G3BP2: variants seen among roughly 807,000 people sequenced by gnomAD.
G3BP2 encodes ras GTPase-activating protein-binding protein 2.
Under a neutral mutation model 56.7 loss-of-function variants are expected in G3BP2, and 11 were observed. That is an observed-to-expected ratio of 0.19 (90% CI 0.12 to 0.32). The LOEUF (loss-of-function observed/expected upper bound fraction) is 0.32, where lower values mean the gene tolerates loss of function less well. G3BP2 is among the 10% of genes least tolerant of loss of function. G3BP2 has a pLI of 1.00. For synonymous variants in G3BP2, 165 were observed against 191.6 expected, an observed-to-expected ratio of 0.86 and a Z score of 1.15; for missense variants, 340 against 610.9, an observed-to-expected ratio of 0.56 and a Z score of 4.67.
chr4:75,674,718 ATTTTTTTT>A (rs71203842), upstream of G3BP2, among the ~76,000 whole-genome samples: 88 of 71,408 alleles, frequency 1.2e-3, 1 homozygote, highest in Middle Eastern at 8.1e-3. Context: ...ATATATATAT[ATTTTTTTT>A]TTTTTTTTTT....
chr4:75,674,695 CATATAT>C (rs1316726374), upstream of G3BP2, among the ~76,000 whole-genome samples: 92 of 60,696 alleles, frequency 1.5e-3, 2 homozygotes, highest in African/African-American at 4.2e-3. Context: ...TATGTATGTA[CATATAT>C]ATATATATAT....
At chr4:75,698,077 A>G (rs574637166) in intron 3 of G3BP2, among the ~76,000 whole-genome samples, 2 of 152,358 alleles carry the variant, frequency 1.3e-5, no homozygotes, top group Non-Finnish European at 2.9e-5. Context: ...GTTCTAATCC[A>G]CAGACCTGTG....
chr4:75,671,294 G>T (rs1560404247), intron 1 of G3BP2, among the ~76,000 whole-genome samples: 1 of 152,164 alleles, frequency 6.6e-6, no homozygotes, highest in Non-Finnish European at 1.5e-5. Flanking sequence ...AAAATATGTG[G>T]AAAGTCTTTT....
At position 75,705,748 on chromosome 4, in the gene G3BP2, C is replaced by T. The variant is rs568069650; in HGVS notation, c.-25+15129G>A. ...AGCTAGGCGGGGGCCTTAAAAAGAACGGGTAGGAGGTTAACACACTTACTG... is the reference window on the plus strand; with the variant it reads ...AGCTAGGCGGGGGCCTTAAAAAGAATGGGTAGGAGGTTAACACACTTACTG... On this transcript the variant is annotated intron_variant, in intron 3 of 3. Coordinates refer to the G3BP2 transcript ENST00000499709. Among the ~76,000 whole-genome samples, 5 of 152,146 alleles carry T rather than the reference C, an allele frequency of 3.3e-5. No individual in the cohort carries two copies. In the South Asian group the frequency reaches 6.2e-4, roughly 19 times the overall value.
chr4:75,673,462 G>A, upstream of G3BP2: 1 of 1,232,158 alleles, frequency 8.1e-7, no homozygotes, highest in African/African-American at 1.5e-5. Flanking sequence ...CCTGCCGAAA[G>A]GGCCAGGGAA....
chr4:75,664,059 T>C (rs537754431), intron 1 of G3BP2, among the ~76,000 whole-genome samples: 77 of 151,098 alleles, frequency 5.1e-4, no homozygotes, highest in African/African-American at 1.9e-3. Flanking sequence ...AATTTTTGTA[T>C]TATTAGTAGA....
intron 3 of G3BP2, among the ~76,000 whole-genome samples, chr4:75,702,136 TC>T (rs1055184069): frequency 6.7e-6 from 1 of 150,082 alleles, no homozygotes; most frequent in South Asian, 2.1e-4. Context: ...TAAGTGCCGT[TC>T]CCCCCTACCT....
At chr4:75,680,985 TA>T (rs60301812) in intron 3 of G3BP2, among the ~76,000 whole-genome samples, 29 of 142,240 alleles carry the variant, frequency 2.0e-4, no homozygotes, top group South Asian at 2.2e-4. Context: ...AATAAAAAAT[TA>T]AAAAAAAAAA....
At chr4:75,697,826 C>T (rs1042423375) in intron 3 of G3BP2, among the ~76,000 whole-genome samples, 1 of 152,090 alleles carries the variant, frequency 6.6e-6, no homozygotes, top group South Asian at 2.1e-4. Flanking sequence ...CCCAGCTACT[C>T]AGGAGGCTGA....
chr4:75,723,380 G>A (rs1223118911), intron 1 of G3BP2, among the ~76,000 whole-genome samples: 2 of 152,210 alleles, frequency 1.3e-5, no homozygotes, highest in African/African-American at 4.8e-5. Flanking sequence ...GGACTGGAAG[G>A]AAGCCAGGGC....
chr4:75,680,778 A>G (rs1339626611), intron 3 of G3BP2, among the ~76,000 whole-genome samples: 1 of 151,916 alleles, frequency 6.6e-6, no homozygotes, highest in Non-Finnish European at 1.5e-5. Context: ...CATCCTGGCC[A>G]ACATGGTGAA....
At chr4:75,691,962 A>G (rs1311116906) in intron 3 of G3BP2, among the ~76,000 whole-genome samples, 4 of 152,204 alleles carry the variant, frequency 2.6e-5, no homozygotes, top group African/African-American at 7.2e-5. Flanking sequence ...CTGAAAATCT[A>G]AATTCTCTGC....
At chr4:75,721,324 A>G (rs752948533) in intron 2 of G3BP2, among the ~76,000 whole-genome samples, 26 of 151,872 alleles carry the variant, frequency 1.7e-4, no homozygotes, top group Non-Finnish European at 3.7e-4. Flanking sequence ...TCATGGCTCA[A>G]TGCAGCCTTG....
intron 1 of G3BP2, 105 bp from the exon 2 acceptor site, chr4:75,662,154 A>C: frequency 1.6e-6 from 1 of 641,850 alleles, no homozygotes; most frequent in Non-Finnish European, 2.8e-6. Flanking sequence ...GGAGTTGTAT[A>C]CCAATTTTAG....
chr4:75,669,340 G>A (rs1255281919), intron 1 of G3BP2, among the ~76,000 whole-genome samples: 1 of 152,176 alleles, frequency 6.6e-6, no homozygotes, highest in Non-Finnish European at 1.5e-5. Flanking sequence ...CAACTTGAAA[G>A]CTCAGTCGTG....
At chr4:75,688,151 G>A (rs1471906871) in intron 3 of G3BP2, among the ~76,000 whole-genome samples, 2 of 149,552 alleles carry the variant, frequency 1.3e-5, no homozygotes, top group African/African-American at 4.9e-5. Flanking sequence ...TTGGCTTCTT[G>A]AACCTGGTGC....
intron 3 of G3BP2, among the ~76,000 whole-genome samples, chr4:75,697,273 C>CAAAAAAAAAAAAAAAAAAAAAAAAAAA (rs869037819): frequency 1.7e-4 from 5 of 28,838 alleles, no homozygotes; most frequent in Admixed American, 6.6e-4. Flanking sequence ...GACTCTGTCT[C>CAAAAAAAAAAAAAAAAAAAAAAAAAAA]AAAAAAAAAA....
upstream of G3BP2, chr4:75,673,739 G>A: frequency 1.6e-6 from 1 of 611,270 alleles, no homozygotes; most frequent in Non-Finnish European, 2.4e-6. Flanking sequence ...CAGCAACGCA[G>A]TGTCTTTTGT....
chr4:75,648,612 C>T (rs1346099133), intron 9 of G3BP2, 27 bp downstream of exon 9: 1 of 1,162,870 alleles, frequency 8.6e-7, no homozygotes, highest in African/African-American at 1.5e-5. Context: ...ATGTTAAATG[C>T]TAAAGGCTAT....
Sources: gnomAD v4.1 joint callset for allele counts (sites outside exome capture counted in the v4.1 genomes callset) on GRCh38, gnomAD v4.1.1 for gene constraint, MANE v1.5 for transcripts, NCBI Gene and HGNC (gene_info 2026-07-23, HGNC 2026-07-21) for gene names.